The following POLA1 variants were observed in gnomAD, a reference collection of about 807,000 sequenced individuals.
The protein encoded by POLA1 is DNA polymerase alpha catalytic subunit.
POLA1 carries 15 observed loss-of-function variants against 124.0 expected under a neutral mutation model. That is an observed-to-expected ratio of 0.12 (90% CI 0.08 to 0.19). POLA1 has a LOEUF of 0.19. Among genes scored for constraint, POLA1 ranks in the 10% least tolerant of loss-of-function variants. The pLI is 1.00. For missense variants in POLA1, 886 were observed against 1,103.4 expected (o/e 0.80, Z 2.79); for synonymous variants, 408 against 389.4 (o/e 1.05, Z -0.56).
chrX:24,704,328 G>T, intron 3 of POLA1, 61 bp from the exon 4 acceptor site: 1 of 871,724 alleles, frequency 1.1e-6, no homozygotes, highest in Admixed American at 2.3e-5. Flanking sequence ...TTTGGTCATG[G>T]CTAAAATATT....
At chrX:24,721,948 A>G (rs1232012784) in intron 10 of POLA1, among the ~76,000 whole-genome samples, 2 of 109,773 alleles carry the variant, frequency 1.8e-5, no homozygotes, top group East Asian at 5.7e-4. Context: ...TTCTTTCTTA[A>G]TCTTCCCATA....
chrX:24,934,289 GT>G (rs1183495257), intron 36 of POLA1, among the ~76,000 whole-genome samples: 1 of 112,141 alleles, frequency 8.9e-6, no homozygotes, highest in African/African-American at 3.2e-5. Context: ...TTTATATATA[GT>G]TCCTATTAGG....
Position 24,861,445 on chromosome X carries a change from A to T in POLA1, c.4047+17768A>T, listed in dbSNP as rs2046715048. ...CCACACCCAGCCAACACTCAGTTTTATGTGAAGTCACACTCTCTAGAAGGA... is the reference window on the plus strand; with the variant it reads ...CCACACCCAGCCAACACTCAGTTTTTTGTGAAGTCACACTCTCTAGAAGGA... On this transcript the variant is annotated intron_variant, in intron 34 of 36. Transcript: ENST00000379068. Among the ~76,000 whole-genome samples the T allele has an allele frequency of 5.3e-5, 6 of 112,872 alleles. No homozygotes were observed. The South Asian group carries it at 2.2e-3, about 41-fold the overall frequency.
chrX:24,858,355 A>G (rs2046674536), intron 34 of POLA1, among the ~76,000 whole-genome samples: 1 of 111,680 alleles, frequency 9.0e-6, no homozygotes, highest in South Asian at 3.8e-4. Context: ...ATTTCATGAC[A>G]TCATCTGATC....
intron 34 of POLA1, among the ~76,000 whole-genome samples, chrX:24,871,601 T>TA (rs57790043): frequency 9.0e-6 from 1 of 110,660 alleles, no homozygotes; most frequent in African/African-American, 3.3e-5. Context: ...TTTTTTTTTT[T>TA]AAATTATGTT....
At chrX:24,955,283 C>T (rs2048094249) in intron 36 of POLA1, among the ~76,000 whole-genome samples, 1 of 109,288 alleles carries the variant, frequency 9.2e-6, no homozygotes, top group Non-Finnish European at 1.9e-5. Context: ...CCTGCCTCAG[C>T]CTCCTGAGTA....
At chrX:24,839,587 C>T (rs11573430) in intron 32 of POLA1, among the ~76,000 whole-genome samples, 3,272 of 112,012 alleles carry the variant, frequency 0.029, 107 homozygotes, top group African/African-American at 0.098. Context: ...TGAGCCATGG[C>T]TGGTGGGGAG....
Position 24,821,545 on chromosome X carries a change from G to A in POLA1, c.3523G>A (p.Val1175Met). 8.3e-7 allele frequency: 1 copy of A among 1,202,490 alleles called. No individual in the cohort carries two copies. The highest frequency in any genetic ancestry group is 1.1e-6 in the Non-Finnish European group (1 of 887,675). ...LWINSQGGRK[V>M]KAGDTVSYVI... ...GATAAATTCTCAAGGAGGCAGAAAG[G>A]TGAAAGCTGGAGATACTGTGTCATA... Residue 1175 changes from valine to methionine, a missense_variant, in exon 31 of 37, where the codon GTG becomes ATG. This residue lies in a region of POLA1 where 313 missense variants were observed against 359.7 expected (regional missense o/e 0.87). Transcript: ENST00000379068.
chrX:24,971,220 T>C (rs1396502874), intron 36 of POLA1, among the ~76,000 whole-genome samples: 2 of 111,805 alleles, frequency 1.8e-5, no homozygotes, highest in African/African-American at 6.5e-5. Context: ...TGTCGATGGG[T>C]CTGTTCAATC....
At chrX:24,879,373 A>G (rs916330034) in intron 34 of POLA1, among the ~76,000 whole-genome samples, 2 of 111,926 alleles carry the variant, frequency 1.8e-5, no homozygotes, top group African/African-American at 3.2e-5. Context: ...TTACATCCCC[A>G]AGTCACTTGT....
rs185786343 is a variant in POLA1 at position 24,844,465 on chromosome X, G to A, written c.4047+788G>A. 5.9e-5 allele frequency among the ~76,000 whole-genome samples: 6 copies of A among 102,250 alleles called. No homozygotes were observed. In the East Asian group the frequency reaches 1.8e-3, roughly 30 times the overall value. 88.8% of individuals were successfully genotyped at this position (102,250 alleles called of 115,157 possible). A position where few individuals can be genotyped will look rare whatever the true frequency, so the allele number is the denominator to read the frequency against. ...TAACTTCTTTTTAAAAGCTACATTG[G>A]CAACACATTTCAAAAAAAAAAAAAA... On this transcript the variant is annotated intron_variant, in intron 34 of 36. Transcript: ENST00000379068.
chrX:24,758,996 AGTTTTACCT>A (rs1388670093), intron 26 of POLA1, among the ~76,000 whole-genome samples: 1 of 111,781 alleles, frequency 8.9e-6, no homozygotes, highest in Non-Finnish European at 1.9e-5. Context: ...ACCACATCTT[AGTTTTACCT>A]GTGCTTTAAG....
intron 36 of POLA1, among the ~76,000 whole-genome samples, chrX:24,945,071 G>T (rs2047945284): frequency 9.0e-6 from 1 of 111,686 alleles, no homozygotes; most frequent in African/African-American, 3.3e-5. Flanking sequence ...AAGTAACCTT[G>T]AAGTACATCT....
At chrX:24,954,853 AG>A (rs1427869555) in intron 36 of POLA1, among the ~76,000 whole-genome samples, 1 of 111,790 alleles carries the variant, frequency 8.9e-6, no homozygotes, top group Non-Finnish European at 1.9e-5. Flanking sequence ...TTAAGAGGGC[AG>A]GCTGGCCCAG....
At chrX:24,808,262 T>C (rs1212754053) in intron 26 of POLA1, among the ~76,000 whole-genome samples, 3 of 111,558 alleles carry the variant, frequency 2.7e-5, no homozygotes. Flanking sequence ...TTGCCACTGC[T>C]CCAAGCAGCC....
chrX:24,855,003 GAC>G (rs1356498928), intron 34 of POLA1, among the ~76,000 whole-genome samples: 1 of 111,753 alleles, frequency 8.9e-6, no homozygotes, highest in Middle Eastern at 4.2e-3. Flanking sequence ...TGAGAATAAA[GAC>G]ACAGGAAAAT....
At chrX:24,838,584 A>G (rs1310707308) in intron 32 of POLA1, among the ~76,000 whole-genome samples, 1 of 112,652 alleles carries the variant, frequency 8.9e-6, no homozygotes, top group East Asian at 2.8e-4. Flanking sequence ...GAAAGCTTTC[A>G]GTAGAAGCAA....
rs112296529 is a variant in POLA1, at chrX:24,849,921, C to T, written c.4047+6244C>T. Among the ~76,000 whole-genome samples, 658 of 111,469 alleles carry T rather than the reference C, an allele frequency of 5.9e-3. 3 individuals are homozygous for T. Among genetic ancestry groups the T allele is most frequent in the African/African-American group, 0.02 (621 of 30,694 alleles). On this transcript the variant is annotated intron_variant, in intron 34 of 36. Coordinates refer to ENST00000379068, the MANE Select transcript of POLA1 (RefSeq NM_001330360.2). ...CTGGGATTACAGACGTGAGCCACCA[C>T]ACCCGGCCAGCTAATTTTTTATTTT...
chrX:24,817,233 T>C (rs1346183258), intron 30 of POLA1, among the ~76,000 whole-genome samples: 1 of 112,044 alleles, frequency 8.9e-6, no homozygotes, highest in Non-Finnish European at 1.9e-5. Context: ...GTACCTCTTA[T>C]GTACACAATG....
Sources: allele counts gnomAD v4.1 joint callset (sites outside exome capture counted in the v4.1 genomes callset), GRCh38; gene constraint gnomAD v4.1.1; regional missense constraint gnomAD v4.1.1; transcripts MANE v1.5; gene names NCBI Gene and HGNC (gene_info 2026-07-23, HGNC 2026-07-21).